The following PELI1 variants were observed in gnomAD, a reference collection of about 807,000 sequenced individuals.
PELI1 encodes E3 ubiquitin-protein ligase pellino homolog 1.
In PELI1, 15 loss-of-function variants were observed where a neutral mutation model predicts 41.3. That is an observed-to-expected ratio of 0.36 (90% CI 0.24 to 0.56). The LOEUF (loss-of-function observed/expected upper bound fraction) is 0.56. Ranked by LOEUF, PELI1 falls within the 20% of genes least tolerant of loss-of-function variation. The probability of loss-of-function intolerance (pLI) is 0.82; values close to 1 mark genes in which losing one functional copy is unlikely to be tolerated. For synonymous variants in PELI1, 178 were observed against 180.1 expected, an observed-to-expected ratio of 0.99 and a Z score of 0.09; for missense variants, 403 against 525.5, an observed-to-expected ratio of 0.77 and a Z score of 2.28.
In PELI1 at chr2:64,115,523, G is replaced by C. The variant is rs1047575585; in HGVS notation, c.-69-7144C>G. On this transcript the variant is annotated intron_variant, in intron 1 of 6. Transcript: ENST00000358912. Reference sequence around the variant, plus strand: ...AGTCTGAACTCTATTTTCCAGATAAGGGAACTGAGTAGGTCAGAAAAGCCC... The same window carrying C: ...AGTCTGAACTCTATTTTCCAGATAACGGAACTGAGTAGGTCAGAAAAGCCC... 2.6e-5 allele frequency among the ~76,000 whole-genome samples: 4 copies of C among 152,270 alleles called. No individual in the cohort carries two copies. The East Asian group carries it at 5.8e-4, about 22-fold the overall frequency.
intron 2 of PELI1, chr2:64,106,250 A>T (rs1680617432): frequency 6.6e-6 from 1 of 152,178 alleles, no homozygotes; most frequent in Non-Finnish European, 1.5e-5. Flanking sequence ...CCTGTAGTTC[A>T]AAGCTCTTTT....
intron 4 of PELI1, among the ~76,000 whole-genome samples, chr2:64,098,615 A>C (rs926565526): frequency 2.0e-5 from 3 of 152,236 alleles, no homozygotes; most frequent in African/African-American, 4.8e-5. Flanking sequence ...TAAGATTTAC[A>C]GGGTCAGTAC....
At chr2:64,127,244 A>G (rs913361706) in intron 1 of PELI1, among the ~76,000 whole-genome samples, 5 of 152,244 alleles carry the variant, frequency 3.3e-5, no homozygotes, top group African/African-American at 9.6e-5. Flanking sequence ...CAAGCCATTA[A>G]GAGTTTATTT....
chr2:64,126,271 C>T (rs553070993), intron 1 of PELI1, among the ~76,000 whole-genome samples: 1 of 152,206 alleles, frequency 6.6e-6, no homozygotes, highest in Admixed American at 6.5e-5. Flanking sequence ...TCAACCGATT[C>T]TCCTGCCTCA....
At chr2:64,121,043 C>T (rs1328265986) in intron 1 of PELI1, among the ~76,000 whole-genome samples, 1 of 152,218 alleles carries the variant, frequency 6.6e-6, no homozygotes, top group African/African-American at 2.4e-5. Context: ...TTCTGTAAAT[C>T]TGTTTAATGT....
intron 1 of PELI1, among the ~76,000 whole-genome samples, chr2:64,125,789 ATGCTCC>A (rs1681364335): frequency 6.6e-6 from 1 of 152,212 alleles, no homozygotes; most frequent in Non-Finnish European, 1.5e-5. Flanking sequence ...AATCCGCAAA[ATGCTCC>A]AAAACCTGAA....
rs1446335569 is a variant in PELI1 at position 64,094,545 on chromosome 2, C to G, written c.*157G>C. On this transcript the variant is annotated 3_prime_UTR_variant, in exon 7 of 7. Transcript: ENST00000358912. ...TTTGCTTGAGTTTCCCAGATTTTTG[C>G]TCAGAAATTGCTACTATTTATTATA... 3.6e-5 allele frequency: 18 copies of G among 506,590 alleles called. No homozygotes were observed. The highest frequency in any genetic ancestry group is 5.9e-5 in the Non-Finnish European group (17 of 289,100). 31.4% of individuals were successfully genotyped at this position (506,590 alleles called of 1,614,324 possible).
At position 64,108,344 on chromosome 2, in the gene PELI1, T is replaced by G; in HGVS notation, c.-34A>C. 1 of 1,346,778 alleles carries G rather than the reference T, an allele frequency of 7.4e-7. No individual in the cohort carries two copies. The highest frequency in any genetic ancestry group is 1.7e-5 in the Admixed American group (1 of 59,154). The allele number at this position is 1,346,778 out of a possible 1,614,324, so 83.4% of individuals were successfully genotyped here. ...CTGTCTTTCTCAAATCTTTGTTCAC[T>G]GGTCAGGAGCCTTGGGACACCTTTT... On this transcript the variant is annotated 5_prime_UTR_variant, in exon 2 of 7. Coordinates refer to ENST00000358912, the MANE Select transcript of PELI1 (RefSeq NM_020651.4).
chr2:64,098,974 T>G (rs1448474261), intron 4 of PELI1, among the ~76,000 whole-genome samples: 1 of 152,196 alleles, frequency 6.6e-6, no homozygotes, highest in Non-Finnish European at 1.5e-5. Context: ...AGGGCCTTCA[T>G]TAGATGGTGA....
chr2:64,130,330 T>A (rs1454826287), intron 1 of PELI1, among the ~76,000 whole-genome samples: 1 of 152,108 alleles, frequency 6.6e-6, no homozygotes, highest in Non-Finnish European at 1.5e-5. Context: ...TTGAAAAAAA[T>A]GAAACTGAAT....
chr2:64,094,256 G>C lies in PELI1; in HGVS notation c.*446C>G, dbSNP rs751977781. ...CATCGTTACCATGCTACTCTATCAA[G>C]AACATTCTAAGGTATTTTCTATAAT... is the stretch of plus-strand genomic sequence containing the variant. On this transcript the variant is annotated 3_prime_UTR_variant, in exon 7 of 7. Transcript: ENST00000358912. 36 of 157,726 alleles carry C rather than the reference G, an allele frequency of 2.3e-4. No homozygotes were observed. Among genetic ancestry groups the C allele is most frequent in the Admixed American group, 4.9e-4 (8 of 16,182 alleles). The allele number at this position is 157,726 out of a possible 1,614,324, so 9.8% of individuals were successfully genotyped here. A position where few individuals can be genotyped will look rare whatever the true frequency, so the allele number is the denominator to read the frequency against.
intron 1 of PELI1, among the ~76,000 whole-genome samples, chr2:64,117,990 T>C (rs1414884751): frequency 1.3e-5 from 2 of 152,086 alleles, no homozygotes; most frequent in African/African-American, 4.8e-5. Flanking sequence ...TTTGTATTTT[T>C]AGTAGAGACG....
chr2:64,137,483 ATGTGTGTG>A (rs150203723), intron 1 of PELI1, among the ~76,000 whole-genome samples: 2 of 151,694 alleles, frequency 1.3e-5, no homozygotes, highest in African/African-American at 4.8e-5. Flanking sequence ...ATGATCTTGT[ATGTGTGTG>A]TGTGTGTGCG....
Position 64,108,327 on chromosome 2 carries a change from C to G in PELI1, c.-17G>C. 2 of 1,566,478 alleles carry G rather than the reference C, an allele frequency of 1.3e-6. No individual in the cohort carries two copies. The highest frequency in any genetic ancestry group is 1.8e-6 in the Non-Finnish European group (2 of 1,137,094). On this transcript the variant is annotated 5_prime_UTR_variant, in exon 2 of 7. Coordinates refer to ENST00000358912, the MANE Select transcript of PELI1 (RefSeq NM_020651.4). ...AGAAAACATGAGCTTGGCTGTCTTT[C>G]TCAAATCTTTGTTCACTGGTCAGGA...
At position 64,095,020 on chromosome 2, in the gene PELI1, A is replaced by C; in HGVS notation, c.939T>G (p.His313Gln). The change falls in exon 7 of 7, where the codon CAT becomes CAG. Residue 313 changes from histidine (H) to glutamine (Q), a missense_variant. Coordinates refer to ENST00000358912, the MANE Select transcript of PELI1 (RefSeq NM_020651.4). ...KQPWVYLNCG[H>Q]VHGYHNWGNK... The stretch of plus-strand genomic sequence containing the variant: ...TTCCCCAGTTATGATAGCCATGTAC[A>C]TGGCCGCAGTTTAGATATACCCATG... 6.2e-7 allele frequency: 1 copy of C among 1,614,190 alleles called. No individual in the cohort carries two copies. Among genetic ancestry groups the C allele is most frequent in the Admixed American group, 1.7e-5 (1 of 60,024 alleles).
chr2:64,136,877 T>C (rs1020395912), intron 1 of PELI1, among the ~76,000 whole-genome samples: 2 of 152,216 alleles, frequency 1.3e-5, no homozygotes, highest in East Asian at 1.9e-4. Context: ...CACTCCAACC[T>C]GGTGACAGAG....
At chr2:64,132,049 T>C (rs1418467908) in intron 1 of PELI1, among the ~76,000 whole-genome samples, 14 of 152,212 alleles carry the variant, frequency 9.2e-5, no homozygotes, top group Non-Finnish European at 5.9e-5. Flanking sequence ...AAAATTTAAA[T>C]TGGCTCACAG....
At chr2:64,119,105 T>A (rs939122769) in intron 1 of PELI1, among the ~76,000 whole-genome samples, 2 of 152,152 alleles carry the variant, frequency 1.3e-5, no homozygotes, top group African/African-American at 2.4e-5. Context: ...TTTCTTAGGC[T>A]TTAAGGCTGA....
chr2:64,101,631 G>A (rs1680436626), intron 3 of PELI1, among the ~76,000 whole-genome samples: 1 of 152,090 alleles, frequency 6.6e-6, no homozygotes. Flanking sequence ...TTAGAAGTTT[G>A]GCATCATAAG....
Sources: allele counts gnomAD v4.1 joint callset (sites outside exome capture counted in the v4.1 genomes callset), GRCh38; gene constraint gnomAD v4.1.1; transcripts MANE v1.5; gene names NCBI Gene and HGNC (gene_info 2026-07-23, HGNC 2026-07-21).